The following VGLL3 variants were observed in gnomAD, a reference collection of about 807,000 sequenced individuals.
VGLL3 encodes the protein vestigial like family member 3.
A neutral mutation model predicts 29.2 loss-of-function variants in VGLL3; 18 were observed. The observed-to-expected ratio is 0.62, with a 90% CI of 0.43 to 0.91. The LOEUF is 0.91. Among genes scored for constraint, VGLL3 ranks in the 40% least tolerant of loss-of-function variants. The pLI is 0.00. For synonymous variants in VGLL3, 180 were observed against 151.8 expected (o/e 1.19, Z -1.36); for missense variants, 440 against 413.2 (o/e 1.06, Z -0.56).
At position 86,947,080 on chromosome 3, in the gene VGLL3, A is replaced by C. The variant is rs764660629; in HGVS notation, c.938-13T>G. 10 of 780,382 alleles carry C rather than the reference A, an allele frequency of 1.3e-5. No homozygotes were observed. The allele number at this position is 780,382 out of a possible 1,614,324, so 48.3% of individuals were successfully genotyped here. A position where few individuals can be genotyped will look rare whatever the true frequency, so the allele number is the denominator to read the frequency against. On this transcript the variant is annotated splice_polypyrimidine_tract_variant and intron_variant, in intron 3 of 3. Coordinates refer to ENST00000398399, the MANE Select transcript of VGLL3 (RefSeq NM_016206.4). Reference sequence around the variant, plus strand: ...TGATGCTGTAGACCTGGAACAAATGACAATGGGGAAAAAATAAAGAACATT... The same window carrying C: ...TGATGCTGTAGACCTGGAACAAATGCCAATGGGGAAAAAATAAAGAACATT...
rs540893763 is a variant in VGLL3, at chr3:86,990,473, G to T, written c.126+145C>A. On this transcript the variant is annotated intron_variant, in intron 1 of 3. Coordinates refer to ENST00000398399, the MANE Select transcript of VGLL3 (RefSeq NM_016206.4). ...TGCTCTCCCTTCCCGGCTCTCTCGG[G>T]ATGGCTTTCTGCTCAAGGACGCTCC... is the stretch of plus-strand genomic sequence containing the variant. The T allele has an allele frequency of 6.7e-5, 83 of 1,244,154 alleles. No individual in the cohort carries two copies. In the African/African-American group the frequency reaches 1.1e-3, roughly 17 times the overall value. 77.1% of individuals were successfully genotyped at this position (1,244,154 alleles called of 1,614,324 possible). A position where few individuals can be genotyped will look rare whatever the true frequency, so the allele number is the denominator to read the frequency against.
At chr3:86,970,244 C>T (rs1310851027) in intron 2 of VGLL3, among the ~76,000 whole-genome samples, 3 of 152,082 alleles carry the variant, frequency 2.0e-5, no homozygotes, top group South Asian at 2.1e-4. Context: ...CAAACATAGG[C>T]GTCAGGGATG....
At position 86,941,635 on chromosome 3, in the gene VGLL3, T is replaced by C. The variant is rs528114276; in HGVS notation, c.*5389A>G. 6.6e-5 allele frequency: 10 copies of C among 152,098 alleles called. No homozygotes were observed. In the South Asian group the frequency reaches 2.1e-3, roughly 32 times the overall value. The allele number at this position is 152,098 out of a possible 1,614,324, so 9.4% of individuals were successfully genotyped here. On this transcript the variant is annotated 3_prime_UTR_variant, in exon 4 of 4. Coordinates refer to ENST00000398399, the MANE Select transcript of VGLL3 (RefSeq NM_016206.4). ...ACTAGAACTTCAAGAGAATACTACT[T>C]TGACCAATACTTTAAAACTATAAAA... is the stretch of plus-strand genomic sequence containing the variant.
chr3:86,950,129 C>A (rs1704588005), intron 3 of VGLL3, among the ~76,000 whole-genome samples: 2 of 152,146 alleles, frequency 1.3e-5, no homozygotes, highest in Admixed American at 6.5e-5. Context: ...GAAATTAATT[C>A]ATAACATATC....
chr3:86,981,530 T>C (rs557506020), intron 1 of VGLL3, among the ~76,000 whole-genome samples: 4 of 151,972 alleles, frequency 2.6e-5, no homozygotes, highest in East Asian at 1.9e-4. Flanking sequence ...TAAATATGTA[T>C]ACTGAAATAT....
At chr3:86,975,949 C>CA (rs1280653376) in intron 2 of VGLL3, among the ~76,000 whole-genome samples, 1 of 151,636 alleles carries the variant, frequency 6.6e-6, no homozygotes, top group African/African-American at 2.4e-5. Context: ...CCGTCTCTAC[C>CA]AAAAAAATAC....
chr3:86,943,633 T>A lies in VGLL3; in HGVS notation c.*3391A>T, dbSNP rs1471995486. 1 of 151,952 alleles carries A rather than the reference T, an allele frequency of 6.6e-6. No individual in the cohort carries two copies. Among genetic ancestry groups the A allele is most frequent in the Non-Finnish European group, 1.5e-5 (1 of 67,988 alleles). 9.4% of individuals were successfully genotyped at this position (151,952 alleles called of 1,614,324 possible). A position where few individuals can be genotyped will look rare whatever the true frequency, so the allele number is the denominator to read the frequency against. ...GCTTAACAAAATAATATAAATACTC[T>A]TAAGAAGAAAGAAAAAGGAGAGCAA... On this transcript the variant is annotated 3_prime_UTR_variant, in exon 4 of 4. Transcript: ENST00000398399.
Position 86,946,213 on chromosome 3 carries a change from T to C in VGLL3, c.*811A>G, listed in dbSNP as rs1704503029. ...TTGAAAGTTTATGCCAACTTTCTTA[T>C]TAGTCAACCTCCAAGTTATTCTTTG... is the stretch of plus-strand genomic sequence containing the variant. On this transcript the variant is annotated 3_prime_UTR_variant, in exon 4 of 4. Transcript: ENST00000398399. 1 of 152,160 alleles carries C rather than the reference T, an allele frequency of 6.6e-6. No homozygotes were observed. Among genetic ancestry groups the C allele is most frequent in the East Asian group, 1.9e-4 (1 of 5,192 alleles). 9.4% of individuals were successfully genotyped at this position (152,160 alleles called of 1,614,324 possible). A position where few individuals can be genotyped will look rare whatever the true frequency, so the allele number is the denominator to read the frequency against.
At chr3:86,987,880 A>G (rs377420056) in intron 1 of VGLL3, among the ~76,000 whole-genome samples, 1 of 152,244 alleles carries the variant, frequency 6.6e-6, no homozygotes, top group South Asian at 2.1e-4. Flanking sequence ...AATATGTTCA[A>G]CAAAAACCTA....
chr3:86,971,974 G>A (rs953139986), intron 2 of VGLL3, among the ~76,000 whole-genome samples: 2 of 152,082 alleles, frequency 1.3e-5, no homozygotes, highest in African/African-American at 4.8e-5. Flanking sequence ...CCAACCACAA[G>A]TACGTGCCAG....
intron 2 of VGLL3, among the ~76,000 whole-genome samples, chr3:86,970,831 T>C (rs1705084603): frequency 6.6e-6 from 1 of 152,194 alleles, no homozygotes; most frequent in East Asian, 1.9e-4. Flanking sequence ...TCCTAGGTCT[T>C]ACCCTATCTC....
rs373642557 is a variant in VGLL3 at position 86,943,334 on chromosome 3, GT to G, written c.*3689del. ...GAATAGAATACAGGTTCTTGAAACAGTTTCTGATTTCCACTTTAAATTATAA... is the reference window on the plus strand; with the variant it reads ...GAATAGAATACAGGTTCTTGAAACAGTTCTGATTTCCACTTTAAATTATAA... On this transcript the variant is annotated 3_prime_UTR_variant, in exon 4 of 4. Transcript: ENST00000398399. The G allele has an allele frequency of 6.6e-6, 1 of 152,106 alleles. No homozygotes were observed. The highest frequency in any genetic ancestry group is 2.4e-5 in the African/African-American group (1 of 41,416). The allele number at this position is 152,106 out of a possible 1,614,324, so 9.4% of individuals were successfully genotyped here.
At chr3:86,983,269 A>C (rs1224578767) in intron 1 of VGLL3, among the ~76,000 whole-genome samples, 1 of 152,242 alleles carries the variant, frequency 6.6e-6, no homozygotes, top group Non-Finnish European at 1.5e-5. Flanking sequence ...TGATTCTTTC[A>C]TATTCAAAAA....
intron 3 of VGLL3, among the ~76,000 whole-genome samples, chr3:86,961,427 A>G (rs1704840538): frequency 6.6e-6 from 1 of 152,186 alleles, no homozygotes; most frequent in African/African-American, 2.4e-5. Flanking sequence ...AGTAAGAATG[A>G]CAACATTTCA....
chr3:86,977,237 A>T (rs1200564494), intron 2 of VGLL3, among the ~76,000 whole-genome samples: 1 of 152,100 alleles, frequency 6.6e-6, no homozygotes, highest in East Asian at 1.9e-4. Context: ...AGAAGAGGCA[A>T]ACAGGGAGGG....
At chr3:86,969,965 A>T (rs945044958) in intron 2 of VGLL3, among the ~76,000 whole-genome samples, 1 of 152,166 alleles carries the variant, frequency 6.6e-6, no homozygotes, top group Non-Finnish European at 1.5e-5. Context: ...CTAAATGGCC[A>T]ATGGCTGGGC....
intron 1 of VGLL3, among the ~76,000 whole-genome samples, chr3:86,987,303 C>T (rs1473276692): frequency 6.6e-6 from 1 of 152,132 alleles, no homozygotes; most frequent in African/African-American, 2.4e-5. Context: ...TGAAAAAACA[C>T]CTTACAAAAC....
chr3:86,962,453 C>T (rs1704872760), intron 3 of VGLL3: 1 of 985,352 alleles, frequency 1.0e-6, no homozygotes, highest in Non-Finnish European at 1.2e-6. Flanking sequence ...AAAAAATGGA[C>T]CACCTTACTT....
intron 2 of VGLL3, among the ~76,000 whole-genome samples, chr3:86,970,477 ACACACG>A (rs1392410860): frequency 9.3e-6 from 1 of 107,408 alleles, no homozygotes; most frequent in Admixed American, 1.1e-4. Flanking sequence ...CATATATTAC[ACACACG>A]CACACACACA....
Sources: allele counts gnomAD v4.1 joint callset (sites outside exome capture counted in the v4.1 genomes callset), GRCh38; gene constraint gnomAD v4.1.1; transcripts MANE v1.5; gene names NCBI Gene and HGNC (gene_info 2026-07-23, HGNC 2026-07-21).